The following LGSN variants were observed in gnomAD, a reference collection of about 807,000 sequenced individuals.
The protein encoded by LGSN is lengsin.
LGSN carries 21 observed loss-of-function variants against 19.5 expected under a neutral mutation model. The ratio of observed to expected loss-of-function variants is 1.07; its 90% CI spans 0.76 to 1.55. LGSN has a LOEUF of 1.55. Among genes scored for constraint, LGSN ranks in the 40% most tolerant of loss-of-function variants. The probability of loss-of-function intolerance (pLI) is 0.00; values close to 1 mark genes in which losing one functional copy is unlikely to be tolerated. For missense variants in LGSN, 673 were observed against 608.5 expected (o/e 1.11, Z -1.12); for synonymous variants, 257 against 215.6 (o/e 1.19, Z -1.68).
the LGSN span, among the ~76,000 whole-genome samples, chr6:63,539,790 G>A: frequency 1.3e-5 from 2 of 151,708 alleles, no homozygotes; most frequent in Admixed American, 6.6e-5. Context: ...ATTGGCAAAG[G>A]ATATGAATAG....
the LGSN span, among the ~76,000 whole-genome samples, chr6:63,361,450 C>T: frequency 2.3e-3 from 346 of 152,228 alleles, 2 homozygotes; most frequent in African/African-American, 7.9e-3. Context: ...TAGGACCCTC[C>T]GAGTCATGCG....
chr6:63,346,775 G>T, the LGSN span, among the ~76,000 whole-genome samples: 2 of 151,820 alleles, frequency 1.3e-5, no homozygotes, highest in African/African-American at 4.8e-5. Context: ...TGAATTATAG[G>T]CCTGGAACTT....
chr6:63,432,125 G>GAA, the LGSN span, among the ~76,000 whole-genome samples: 1 of 98,556 alleles, frequency 1.0e-5, no homozygotes, highest in Non-Finnish European at 2.0e-5. Context: ...AAGAAAGAAA[G>GAA]AAAGAAAGAA....
chr6:63,445,642 G>A, the LGSN span, among the ~76,000 whole-genome samples: 25 of 152,010 alleles, frequency 1.6e-4, no homozygotes, highest in Admixed American at 6.6e-4. Context: ...AAATAAAAAA[G>A]AAGAATCTCA....
chr6:63,562,927 C>CG, the LGSN span, among the ~76,000 whole-genome samples: 1 of 152,194 alleles, frequency 6.6e-6, no homozygotes, highest in Non-Finnish European at 1.5e-5. Flanking sequence ...AGCACCATAG[C>CG]ATAAAACAGG....
chr6:63,294,490 C>T (rs1470826084), intron 2 of LGSN, among the ~76,000 whole-genome samples: 1 of 152,144 alleles, frequency 6.6e-6, no homozygotes, highest in African/African-American at 2.4e-5. Flanking sequence ...AAATTAACTT[C>T]TAGTTTTAGC....
At chr6:63,382,581 G>A in the LGSN span, among the ~76,000 whole-genome samples, 1 of 152,206 alleles carries the variant, frequency 6.6e-6, no homozygotes, top group Admixed American at 6.5e-5. Flanking sequence ...CCAATCATTT[G>A]ACCATTGAGA....
At chr6:63,356,162 A>G in the LGSN span, among the ~76,000 whole-genome samples, 7 of 152,326 alleles carry the variant, frequency 4.6e-5, no homozygotes, top group African/African-American at 1.7e-4. Context: ...AAATAAGATC[A>G]CATTCTGAGA....
At chr6:63,325,449 C>G in the LGSN span, among the ~76,000 whole-genome samples, 1 of 152,126 alleles carries the variant, frequency 6.6e-6, no homozygotes. Flanking sequence ...TCATCAGAGA[C>G]TGTTATAAAC....
chr6:63,495,488 T>C, the LGSN span, among the ~76,000 whole-genome samples: 1 of 110,092 alleles, frequency 9.1e-6, no homozygotes, highest in Non-Finnish European at 1.8e-5. Flanking sequence ...AGATGGAGTC[T>C]CAGTCTGTAG....
At chr6:63,446,558 C>T in the LGSN span, among the ~76,000 whole-genome samples, 2 of 152,212 alleles carry the variant, frequency 1.3e-5, no homozygotes, top group Non-Finnish European at 2.9e-5. Context: ...GCAACGAGCA[C>T]ATAGTATGCA....
the LGSN span, among the ~76,000 whole-genome samples, chr6:63,343,121 AT>A: frequency 6.6e-6 from 1 of 152,354 alleles, no homozygotes; most frequent in Admixed American, 6.5e-5. Flanking sequence ...CATATGAGTT[AT>A]AAATATAATA....
At chr6:63,518,360 T>C in the LGSN span, among the ~76,000 whole-genome samples, 2 of 152,164 alleles carry the variant, frequency 1.3e-5, no homozygotes, top group African/African-American at 2.4e-5. Flanking sequence ...CTTAGGTATC[T>C]TGAGGTCCTG....
chr6:63,573,472 G>C, the LGSN span: 1 of 152,230 alleles, frequency 6.6e-6, no homozygotes, highest in African/African-American at 2.4e-5. Flanking sequence ...GACTGAAGGC[G>C]CGGCGCGAAC....
the LGSN span, among the ~76,000 whole-genome samples, chr6:63,398,967 G>C: frequency 6.6e-6 from 1 of 152,126 alleles, no homozygotes; most frequent in Non-Finnish European, 1.5e-5. Flanking sequence ...ATGACACATG[G>C]CTAGTTTTCA....
At chr6:63,291,483 TCTC>T (rs919063829) in intron 2 of LGSN, among the ~76,000 whole-genome samples, 1 of 152,004 alleles carries the variant, frequency 6.6e-6, no homozygotes, top group Admixed American at 6.6e-5. Flanking sequence ...CCGCGACGGA[TCTC>T]CTCTCCGACC....
rs75500768 is a variant in LGSN, at chr6:63,304,522, T to G, written c.31-9477A>C. Reference sequence around the variant, plus strand: ...TCTTATTGTACATGAATAAATACACTGGGTTTTGTAGAGATTCAGTTACAA... The same window carrying G: ...TCTTATTGTACATGAATAAATACACGGGGTTTTGTAGAGATTCAGTTACAA... On this transcript the variant is annotated intron_variant, in intron 1 of 3. Coordinates refer to ENST00000370657, the MANE Select transcript of LGSN (RefSeq NM_016571.3). 6.1e-3 allele frequency among the ~76,000 whole-genome samples: 924 copies of G among 152,320 alleles called. 7 individuals carry two copies. Among genetic ancestry groups the G allele is most frequent in the African/African-American group, 0.02 (849 of 41,562 alleles).
chr6:63,522,200 CT>C, the LGSN span, among the ~76,000 whole-genome samples: 2 of 152,190 alleles, frequency 1.3e-5, no homozygotes, highest in South Asian at 4.2e-4. Flanking sequence ...TGTCATATTC[CT>C]TTTTCTCCAA....
chr6:63,452,653 T>TCTC, the LGSN span, among the ~76,000 whole-genome samples: 1 of 147,860 alleles, frequency 6.8e-6, no homozygotes, highest in African/African-American at 2.5e-5. Context: ...TATGTTATCT[T>TCTC]TCTCTCTCTC....
Sources: allele counts gnomAD v4.1 joint callset (sites outside exome capture counted in the v4.1 genomes callset), GRCh38; gene constraint gnomAD v4.1.1; transcripts MANE v1.5; gene names NCBI Gene and HGNC (gene_info 2026-07-23, HGNC 2026-07-21).